BPIFA1: variants seen among roughly 807,000 people sequenced by gnomAD.
BPIFA1 encodes the protein BPI fold-containing family A member 1.
A neutral mutation model predicts 25.1 loss-of-function variants in BPIFA1; 24 were observed. The ratio of observed to expected loss-of-function variants is 0.96; its 90% CI spans 0.69 to 1.35. The LOEUF (loss-of-function observed/expected upper bound fraction) is 1.35. Ranked by LOEUF, BPIFA1 falls within the 40% of genes most tolerant of loss-of-function variation. The pLI, the probability that BPIFA1 is intolerant of heterozygous loss-of-function variation, is 0.00. For missense variants in BPIFA1, 344 were observed against 303.7 expected (o/e 1.13, Z -0.99); for synonymous variants, 139 against 131.8 (o/e 1.05, Z -0.37).
chr20:33,242,216 T>C lies in BPIFA1; in HGVS notation c.730+97T>C, dbSNP rs62209726. The C allele has an allele frequency of 4.9e-3, 6,260 of 1,271,242 alleles. 193 individuals are homozygous for C. The African/African-American group carries it at 0.071, about 14-fold the overall frequency. The allele number at this position is 1,271,242 out of a possible 1,614,324, so 78.7% of individuals were successfully genotyped here. Reference sequence around the variant, plus strand: ...TGCACACCCTAGGATACTAGGTCCCTCTGGCCTCAACTCTCTCTATTTTGG... The same window carrying C: ...TGCACACCCTAGGATACTAGGTCCCCCTGGCCTCAACTCTCTCTATTTTGG... On this transcript the variant is annotated intron_variant, in intron 7 of 8. Coordinates refer to ENST00000354297, the MANE Select transcript of BPIFA1 (RefSeq NM_130852.3).
rs201568382 is a variant in BPIFA1, at chr20:33,242,112, C to T, written c.723C>T (p.Asp241=). ...GCTTGGACATCACCCTGGTGCATGA[C>T]ATTGTTAGTAAGTACCTGCTTTCAA... ...LRGLDITLVH[D]IVNMLIHGLQ... Residue 241 remains aspartate (D), a synonymous_variant, in exon 7 of 9, where the codon GAC becomes GAT. Transcript: ENST00000354297. The T allele has an allele frequency of 1.1e-5, 17 of 1,614,074 alleles. No individual in the cohort carries two copies. The highest frequency in any genetic ancestry group is 1.4e-5 in the Non-Finnish European group (17 of 1,179,910).
At chr20:33,240,007 C>A (rs1049716541) in intron 4 of BPIFA1, 97 bp downstream of exon 4, 21 of 1,400,116 alleles carry the variant, frequency 1.5e-5, no homozygotes, top group Non-Finnish European at 1.9e-5. Flanking sequence ...TCTAACAGAC[C>A]TGAGCCTCCA....
Position 33,240,224 on chromosome 20 carries a change from C to G in BPIFA1, c.429-9C>G, listed in dbSNP as rs991293481. 6 of 1,613,084 alleles carry G rather than the reference C, an allele frequency of 3.7e-6. No individual in the cohort carries two copies. The African/African-American group carries it at 6.7e-5, about 18-fold the overall frequency. ...GAGCTAGATACCAGTGGGGCTGTCT[C>G]CTTTGCAGGCCCCTGGTCGGTGCAA... On this transcript the variant is annotated splice_polypyrimidine_tract_variant and intron_variant, in intron 4 of 8. Transcript: ENST00000354297.
intron 6 of BPIFA1, 26 bp from the exon 7 acceptor site, chr20:33,242,030 T>TAACTCTCCTCTCTGCCC (rs764772314): frequency 5.0e-6 from 8 of 1,610,320 alleles, no homozygotes; most frequent in Admixed American, 3.3e-5. Flanking sequence ...CCACTCTGCC[T>TAACTCTCCTCTCTGCCC]AACTCTCCTC....
intron 5 of BPIFA1, 41 bp from the exon 6 acceptor site, chr20:33,241,344 A>G: frequency 6.4e-7 from 1 of 1,554,088 alleles, no homozygotes; most frequent in Non-Finnish European, 8.9e-7. Flanking sequence ...TCTCCACACC[A>G]TCTCCAGGTC....
chr20:33,240,299 TG>T lies in BPIFA1; in HGVS notation c.496del (p.Val166Ter), dbSNP rs1370060532. 1 of 1,614,126 alleles carries T rather than the reference TG, an allele frequency of 6.2e-7. No homozygotes were observed. The highest frequency in any genetic ancestry group is 1.7e-5 in the Admixed American group (1 of 60,012). ...TGGACATCACTGCAGAAATCTTAGC[TG>T]TGAGAGATAAGCAGGAGAGGATCCA... The part of the protein sequence containing the change: ...KLDITAEILA[V>X]RDKQERIHLV... On this transcript the variant is annotated frameshift_variant, in exon 5 of 9. Coordinates refer to ENST00000354297, the MANE Select transcript of BPIFA1 (RefSeq NM_130852.3). LOFTEE classifies it high-confidence loss of function.
intron 7 of BPIFA1, 150 bp downstream of exon 7, chr20:33,242,269 T>A: frequency 1.0e-6 from 1 of 999,854 alleles, no homozygotes; most frequent in Non-Finnish European, 1.5e-6. Context: ...ATAATCCAGA[T>A]AATTTTGAGA....
At chr20:33,238,821 C>T (rs544051037) in intron 3 of BPIFA1, among the ~76,000 whole-genome samples, 50 of 152,286 alleles carry the variant, frequency 3.3e-4, no homozygotes, top group Admixed American at 2.9e-3. Flanking sequence ...GCCAGTGAGC[C>T]GGCAGAGCCT....
At position 33,238,110 on chromosome 20, in the gene BPIFA1, G is replaced by C; in HGVS notation, c.216G>C (p.Pro72=). 1 of 1,613,972 alleles carries C rather than the reference G, an allele frequency of 6.2e-7. No homozygotes were observed. Among genetic ancestry groups the C allele is most frequent in the Non-Finnish European group, 8.5e-7 (1 of 1,179,952 alleles). The change falls in exon 3 of 9, where the codon CCG becomes CCC. Residue 72 remains proline (P), a synonymous_variant. Transcript: ENST00000354297. ...TGTTGGGCATTCTGGAAAACCTTCC[G>C]CTCCTGGACATCCTGAAGCCTGGAG... ...GGLLGILENL[P]LLDILKPGGG... is the part of the protein sequence containing the mutation.
chr20:33,241,282 T>C, intron 5 of BPIFA1, 103 bp from the exon 6 acceptor site: 2 of 1,103,726 alleles, frequency 1.8e-6, no homozygotes, highest in Non-Finnish European at 2.8e-6. Flanking sequence ...GGCTCGGCTT[T>C]AGTGACTGAG....
intron 6 of BPIFA1, 31 bp from the exon 7 acceptor site, chr20:33,242,024 TC>T (rs1978999970): frequency 6.2e-7 from 1 of 1,603,304 alleles, no homozygotes; most frequent in Non-Finnish European, 8.5e-7. Context: ...AGGGTGCCAC[TC>T]TGCCTAACTC....
chr20:33,237,630 A>AG (rs58831055), intron 1 of BPIFA1, 67 bp from the exon 2 acceptor site: 351,702 of 1,296,490 alleles, frequency 0.27, 52,777 homozygotes, highest in African/African-American at 0.6. Context: ...CCCAGGTGTC[A>AG]GGGCAGGTGG....
At position 33,242,501 on chromosome 20, in the gene BPIFA1, G is replaced by T. The variant is rs776172316; in HGVS notation, c.745G>T (p.Gly249Ter). 5 of 1,613,904 alleles carry T rather than the reference G, an allele frequency of 3.1e-6. No homozygotes were observed. Among genetic ancestry groups the T allele is most frequent in the Non-Finnish European group, 4.2e-6 (5 of 1,179,976 alleles). ...TGTTTGTTTAGACATGCTGATCCAC[G>T]GACTACAGTTTGTCATCAAGGTCTA... ...VHDIVNMLIH[G>*]LQFVIKV Residue 249 changes from glycine to a stop codon, truncating the protein, a stop_gained, in exon 8 of 9, where the codon GGA becomes TGA. Transcript: ENST00000354297. LOFTEE classifies it high-confidence loss of function.
At chr20:33,238,457 C>T (rs1174978698) in intron 3 of BPIFA1, among the ~76,000 whole-genome samples, 1 of 152,192 alleles carries the variant, frequency 6.6e-6, no homozygotes, top group East Asian at 1.9e-4. Context: ...TAATCCTCAC[C>T]ACAACCCTTT....
At chr20:33,242,207 C>A in intron 7 of BPIFA1, 88 bp downstream of exon 7, 1 of 1,338,532 alleles carries the variant, frequency 7.5e-7, no homozygotes. Flanking sequence ...CCCTAGGATA[C>A]TAGGTCCCTC....
rs775322909 is a variant in BPIFA1, at chr20:33,238,054, G to C, written c.161-1G>C. 1.2e-6 allele frequency: 2 copies of C among 1,612,588 alleles called. No homozygotes were observed. Among genetic ancestry groups the C allele is most frequent in the South Asian group, 2.2e-5 (2 of 90,874 alleles). On this transcript the variant is annotated splice_acceptor_variant, in intron 2 of 8. Coordinates refer to ENST00000354297, the MANE Select transcript of BPIFA1 (RefSeq NM_130852.3). LOFTEE classifies it high-confidence loss of function. Reference sequence around the variant, plus strand: ...CCAGAGACCCTTACACCCATTTCCAGCCCTCAGCAATGGCCTGCTGTCTGG... The same window carrying C: ...CCAGAGACCCTTACACCCATTTCCACCCCTCAGCAATGGCCTGCTGTCTGG...
At chr20:33,240,142 A>T in intron 4 of BPIFA1, 91 bp from the exon 5 acceptor site, 1 of 1,537,634 alleles carries the variant, frequency 6.5e-7, no homozygotes, top group Non-Finnish European at 8.8e-7. Flanking sequence ...AGATGGAGTG[A>T]GGTGAGGCTA....
chr20:33,239,592 G>T (rs1978855595), intron 3 of BPIFA1, among the ~76,000 whole-genome samples: 1 of 152,230 alleles, frequency 6.6e-6, no homozygotes, highest in Admixed American at 6.5e-5. Flanking sequence ...GGCCCTGTGT[G>T]TGTGTCAGAT....
chr20:33,242,635 T>C (rs1979038608), intron 8 of BPIFA1, 74 bp downstream of exon 8: 2 of 1,104,950 alleles, frequency 1.8e-6, no homozygotes, highest in East Asian at 4.8e-5. Flanking sequence ...AGACGGGAGC[T>C]TGGGACAATG....
Sources: gnomAD v4.1 joint callset for allele counts (sites outside exome capture counted in the v4.1 genomes callset) on GRCh38, gnomAD v4.1.1 for gene constraint, MANE v1.5 for transcripts, NCBI Gene and HGNC (gene_info 2026-07-23, HGNC 2026-07-21) for gene names.